ADGRG6: variants seen among roughly 807,000 people sequenced by gnomAD.
The protein encoded by ADGRG6 is G-protein coupled receptor 126.
A neutral mutation model predicts 142.4 loss-of-function variants in ADGRG6; 84 were observed. The observed-to-expected ratio is 0.59, with a 90% CI of 0.49 to 0.71. The LOEUF (loss-of-function observed/expected upper bound fraction) is 0.71. Ranked by LOEUF, ADGRG6 falls within the 30% of genes least tolerant of loss-of-function variation. The pLI, the probability that ADGRG6 is intolerant of heterozygous loss-of-function variation, is 0.00. For synonymous variants in ADGRG6, 521 were observed against 520.5 expected (o/e 1.00, Z -0.01); for missense variants, 1,367 against 1,466.6 (o/e 0.93, Z 1.11).
At position 142,397,616 on chromosome 6, in the gene ADGRG6, G is replaced by T. The variant is rs1046610929; in HGVS notation, c.1428G>T (p.Leu476Phe). ...TCTATCCGAAATGTTTCCCTAGGTTGGTGCTTTGGGCCCTTCTAGTTTACA... is the reference window on the plus strand; with the variant it reads ...TCTATCCGAAATGTTTCCCTAGGTTTGTGCTTTGGGCCCTTCTAGTTTACA... ...VKRSLEDEPRLVLWALLVYNA... is the reference protein window; with the variant it reads ...VKRSLEDEPRFVLWALLVYNA... Residue 476 changes from leucine (L) to phenylalanine (F), a missense_variant, in exon 10 of 25, where the codon TTG (leucine) becomes TTT (phenylalanine). Leu to Phe is a conservative substitution (Grantham distance 22). Around this residue, in one of 3 missense-constraint regions of ADGRG6, gnomAD observed 737 missense variants for 746.5 expected, o/e 0.99. Coordinates refer to ENST00000367609, the MANE Select transcript of ADGRG6 (RefSeq NM_198569.3). 5 of 1,607,968 alleles carry T rather than the reference G, an allele frequency of 3.1e-6. No individual in the cohort carries two copies. Among genetic ancestry groups the T allele is most frequent in the Admixed American group, 1.7e-5 (1 of 58,616 alleles).
intron 2 of ADGRG6, among the ~76,000 whole-genome samples, chr6:142,318,360 A>ATATTTATATTATATATTTATATATTTAT (rs1562307976): frequency 6.2e-5 from 5 of 80,644 alleles, no homozygotes; most frequent in African/African-American, 4.1e-4. Flanking sequence ...TATATTATAT[A>ATATTTATATTATATATTTATATATTTAT]ATATTTATAT....
intron 2 of ADGRG6, among the ~76,000 whole-genome samples, chr6:142,312,525 G>A (rs904995671): frequency 1.3e-5 from 2 of 151,956 alleles, no homozygotes; most frequent in Admixed American, 6.6e-5. Flanking sequence ...CAATAAAAAT[G>A]CGATTTATTT....
At chr6:142,372,161 C>T (rs1023987747) in intron 4 of ADGRG6, among the ~76,000 whole-genome samples, 2 of 152,118 alleles carry the variant, frequency 1.3e-5, no homozygotes, top group African/African-American at 2.4e-5. Flanking sequence ...CTAATATTCT[C>T]CATTTACACA....
rs1271689281 is a variant in ADGRG6, at chr6:142,415,910, A to T, written c.2784A>T (p.Gly928=). The stretch of plus-strand genomic sequence containing the variant: ...GGATCACCTCCTTCAATGTGGATGG[A>T]CTTTGCATTGCTGTTGCAGTCCTGT... The part of the protein sequence containing the change: ...DGWITSFNVD[G]LCIAVAVLLH... The change falls in exon 20 of 25, where the codon GGA becomes GGT. Residue 928 remains glycine, a synonymous_variant. Transcript: ENST00000367609. 6.2e-7 allele frequency: 1 copy of T among 1,613,458 alleles called. No homozygotes were observed. The highest frequency in any genetic ancestry group is 1.7e-5 in the Admixed American group (1 of 59,910).
chr6:142,329,376 C>T (rs1778929746), intron 2 of ADGRG6, among the ~76,000 whole-genome samples: 1 of 151,964 alleles, frequency 6.6e-6, no homozygotes, highest in Non-Finnish European at 1.5e-5. Context: ...TTATTAGTAA[C>T]TAAAAGTAGC....
At position 142,438,235 on chromosome 6, in the gene ADGRG6, A is replaced by G. The variant is rs866419808; in HGVS notation, c.3445A>G (p.Ile1149Val). 6.2e-7 allele frequency: 1 copy of G among 1,602,354 alleles called. No individual in the cohort carries two copies. The highest frequency in any genetic ancestry group is 8.5e-7 in the Non-Finnish European group (1 of 1,173,908). Reference sequence around the variant, plus strand: ...AGATTGGAGTAAGACAGCTACCAATATCATCAAGAAAAGTTCTGATAATCT... The same window carrying G: ...AGATTGGAGTAAGACAGCTACCAATGTCATCAAGAAAAGTTCTGATAATCT... ...NSDWSKTATNIIKKSSDNLGK... is the reference protein window; with the variant it reads ...NSDWSKTATNVIKKSSDNLGK... Residue 1149 changes from isoleucine (I) to valine (V), a missense_variant, in exon 24 of 25, where the codon ATC becomes GTC. This residue lies in a region of ADGRG6 where 344 missense variants were observed against 348.7 expected (regional missense o/e 0.99). Transcript: ENST00000367609.
At chr6:142,348,291 A>C (rs112786780) in intron 2 of ADGRG6, among the ~76,000 whole-genome samples, 2 of 152,210 alleles carry the variant, frequency 1.3e-5, no homozygotes, top group African/African-American at 4.8e-5. Context: ...TGAAACTCCA[A>C]CTTTGATCAA....
At chr6:142,322,119 C>T (rs562783541) in intron 2 of ADGRG6, among the ~76,000 whole-genome samples, 7 of 152,156 alleles carry the variant, frequency 4.6e-5, no homozygotes, top group East Asian at 3.9e-4. Context: ...ATTTTGGGGG[C>T]CTGGGCACAG....
In ADGRG6 at chr6:142,358,057, G is replaced by T. The variant is rs371443661; in HGVS notation, c.104-9512G>T. Among the ~76,000 whole-genome samples, 11 of 152,162 alleles carry T rather than the reference G, an allele frequency of 7.2e-5. No individual in the cohort carries two copies. The East Asian group carries it at 1.3e-3, about 19-fold the overall frequency. On this transcript the variant is annotated intron_variant, in intron 2 of 24. Coordinates refer to ENST00000367609, the MANE Select transcript of ADGRG6 (RefSeq NM_198569.3). The stretch of plus-strand genomic sequence containing the variant: ...GTGCTCAAGAAGTTAGTTATGTGCT[G>T]TTTAGCCAGTAATGACATCATTGCC...
chr6:142,362,609 T>C (rs1217774977), intron 2 of ADGRG6, among the ~76,000 whole-genome samples: 2 of 152,212 alleles, frequency 1.3e-5, no homozygotes, highest in African/African-American at 4.8e-5. Flanking sequence ...CAGATTGCCT[T>C]GGATTCTATG....
intron 1 of ADGRG6, chr6:142,302,593 C>A: frequency 2.2e-6 from 1 of 464,314 alleles, no homozygotes; most frequent in Non-Finnish European, 3.8e-6. Flanking sequence ...CGGTGTAAAG[C>A]CTAATAAGAA....
intron 6 of ADGRG6, among the ~76,000 whole-genome samples, chr6:142,386,448 G>A (rs1440202627): frequency 1.3e-5 from 2 of 152,142 alleles, no homozygotes; most frequent in South Asian, 2.1e-4. Context: ...AGAAACATTA[G>A]TGAAAACAAG....
intron 22 of ADGRG6, among the ~76,000 whole-genome samples, chr6:142,420,416 C>T (rs892238878): frequency 5.9e-5 from 9 of 152,086 alleles, no homozygotes; most frequent in African/African-American, 2.2e-4. Flanking sequence ...TAGCTGAGAA[C>T]CAAACGGGGA....
At chr6:142,410,990 G>GA (rs1412198223) in intron 17 of ADGRG6, among the ~76,000 whole-genome samples, 2 of 151,984 alleles carry the variant, frequency 1.3e-5, no homozygotes, top group Non-Finnish European at 2.9e-5. Flanking sequence ...TAGTGTATTT[G>GA]AAAATGAGTC....
At chr6:142,316,160 T>A (rs1778055490) in intron 2 of ADGRG6, among the ~76,000 whole-genome samples, 1 of 152,154 alleles carries the variant, frequency 6.6e-6, no homozygotes, top group African/African-American at 2.4e-5. Flanking sequence ...CTTAAACTTG[T>A]GGTTTAGAAA....
intron 2 of ADGRG6, among the ~76,000 whole-genome samples, chr6:142,313,722 A>T (rs530820088): frequency 6.6e-6 from 1 of 152,298 alleles, no homozygotes; most frequent in African/African-American, 2.4e-5. Context: ...TTATCATAAA[A>T]TGAACAGTTA....
intron 22 of ADGRG6, among the ~76,000 whole-genome samples, chr6:142,421,736 G>T (rs1012318203): frequency 6.6e-6 from 1 of 152,102 alleles, no homozygotes; most frequent in African/African-American, 2.4e-5. Context: ...TCCCAGCATG[G>T]GTCCCCTGTC....
intron 22 of ADGRG6, among the ~76,000 whole-genome samples, chr6:142,422,633 ATG>A (rs1776718440): frequency 1.3e-5 from 2 of 150,326 alleles, no homozygotes; most frequent in South Asian, 4.3e-4. Context: ...ATACGTGTGC[ATG>A]TGTCTTTATA....
chr6:142,371,595 C>T (rs992870600), intron 4 of ADGRG6, among the ~76,000 whole-genome samples: 14 of 151,218 alleles, frequency 9.3e-5, no homozygotes, highest in Non-Finnish European at 1.6e-4. Context: ...ACGCCATTCT[C>T]CTGCCTCAGC....
Sources: gnomAD v4.1 joint callset for allele counts (sites outside exome capture counted in the v4.1 genomes callset) on GRCh38, gnomAD v4.1.1 for gene constraint, gnomAD v4.1.1 regional missense constraint, MANE v1.5 for transcripts, NCBI Gene and HGNC (gene_info 2026-07-23, HGNC 2026-07-21) for gene names.